The following G3BP2 variants were observed in gnomAD, a reference collection of about 807,000 sequenced individuals.
The protein encoded by G3BP2 is ras GTPase-activating protein-binding protein 2.
In G3BP2, 11 loss-of-function variants were observed where a neutral mutation model predicts 56.7. The observed-to-expected ratio is 0.19, with a 90% CI of 0.12 to 0.32. The LOEUF is 0.32. G3BP2 is among the 10% of genes least tolerant of loss of function. The pLI is 1.00. For synonymous variants in G3BP2, 165 were observed against 191.6 expected (o/e 0.86, Z 1.15); for missense variants, 340 against 610.9 (o/e 0.56, Z 4.67).
chr4:75,720,012 G>A (rs1317589732), intron 3 of G3BP2, among the ~76,000 whole-genome samples: 2 of 52,786 alleles, frequency 3.8e-5, no homozygotes, highest in East Asian at 6.8e-4. Context: ...GGATGGGGGG[G>A]CCCAGAACCC....
chr4:75,662,097 T>G, intron 1 of G3BP2, 48 bp from the exon 2 acceptor site: 1 of 1,054,200 alleles, frequency 9.5e-7, no homozygotes, highest in Non-Finnish European at 1.4e-6. Context: ...ATCTTTGTCA[T>G]CAACCACCAT....
chr4:75,655,894 T>A, intron 5 of G3BP2, 24 bp from the exon 6 acceptor site: 1 of 1,172,386 alleles, frequency 8.5e-7, no homozygotes, highest in Non-Finnish European at 1.3e-6. Context: ...ATACAGCACA[T>A]CTTTTTTAAA....
chr4:75,705,664 A>G (rs1013645593), intron 3 of G3BP2, among the ~76,000 whole-genome samples: 9 of 152,148 alleles, frequency 5.9e-5, no homozygotes, highest in African/African-American at 2.2e-4. Flanking sequence ...AGGGCTGAGT[A>G]GTGGAAAGGC....
At chr4:75,695,172 G>A (rs1395447103) in intron 3 of G3BP2, among the ~76,000 whole-genome samples, 1 of 152,196 alleles carries the variant, frequency 6.6e-6, no homozygotes, top group Non-Finnish European at 1.5e-5. Context: ...CAGACCTGGA[G>A]GGAGAGTGAA....
At chr4:75,699,254 GCAAT>G (rs1303570396) in intron 3 of G3BP2, among the ~76,000 whole-genome samples, 1 of 152,168 alleles carries the variant, frequency 6.6e-6, no homozygotes, top group Non-Finnish European at 1.5e-5. Flanking sequence ...TCCCTCTCTA[GCAAT>G]CAGTCAGTTT....
chr4:75,715,369 TCA>T (rs1252111097), intron 3 of G3BP2, among the ~76,000 whole-genome samples: 1 of 152,226 alleles, frequency 6.6e-6, no homozygotes, highest in Non-Finnish European at 1.5e-5. Context: ...GCAATTTCAT[TCA>T]GTTTCTTGGA....
chr4:75,721,266 T>G (rs554152731), intron 2 of G3BP2, among the ~76,000 whole-genome samples: 258 of 149,528 alleles, frequency 1.7e-3, no homozygotes, highest in Middle Eastern at 3.6e-3. Context: ...TTTTTTTTTT[T>G]GGGACAGGGT....
At chr4:75,687,546 C>T (rs1223343221) in intron 3 of G3BP2, among the ~76,000 whole-genome samples, 1 of 152,212 alleles carries the variant, frequency 6.6e-6, no homozygotes, top group Non-Finnish European at 1.5e-5. Flanking sequence ...ACAGCAGAAG[C>T]TGAGACAACA....
intron 3 of G3BP2, among the ~76,000 whole-genome samples, chr4:75,701,581 A>G (rs1238032487): frequency 6.6e-6 from 1 of 152,072 alleles, no homozygotes; most frequent in Non-Finnish European, 1.5e-5. Context: ...GGCATGCACC[A>G]CCATGCCCGG....
intron 1 of G3BP2, 39 bp downstream of exon 1, chr4:75,673,169 A>G: frequency 8.5e-7 from 1 of 1,172,948 alleles, no homozygotes; most frequent in Non-Finnish European, 1.1e-6. Flanking sequence ...TCCCTTTCCG[A>G]CCACCACACC....
rs944496082 is a variant in G3BP2 at position 75,644,573 on chromosome 4, C to G, written c.*857G>C. On this transcript the variant is annotated 3_prime_UTR_variant, in exon 12 of 12. Coordinates refer to ENST00000359707, the MANE Select transcript of G3BP2 (RefSeq NM_203505.3). Reference sequence around the variant, plus strand: ...ATTACATTACCAGAGAACAAAAATACAGTAAAGACAATTTTCACTGTACAC... The same window carrying G: ...ATTACATTACCAGAGAACAAAAATAGAGTAAAGACAATTTTCACTGTACAC... 1 of 152,326 alleles carries G rather than the reference C, an allele frequency of 6.6e-6. No individual in the cohort carries two copies. The highest frequency in any genetic ancestry group is 1.9e-4 in the East Asian group (1 of 5,174). The allele number at this position is 152,326 out of a possible 1,614,324, so 9.4% of individuals were successfully genotyped here. A position where few individuals can be genotyped will look rare whatever the true frequency, so the allele number is the denominator to read the frequency against.
chr4:75,673,566 GCGCTCGCACA>G, upstream of G3BP2: 1 of 1,232,022 alleles, frequency 8.1e-7, no homozygotes, highest in East Asian at 3.2e-5. Flanking sequence ...GTACGCTGCC[GCGCTCGCACA>G]CGCTCGCGCC....
chr4:75,673,395 G>T lies in G3BP2; in HGVS notation c.-212C>A. 6 of 1,232,186 alleles carry T rather than the reference G, an allele frequency of 4.9e-6. No homozygotes were observed. Among genetic ancestry groups the T allele is most frequent in the Non-Finnish European group, 5.1e-6 (5 of 988,012 alleles). 76.3% of individuals were successfully genotyped at this position (1,232,186 alleles called of 1,614,324 possible). On this transcript the variant is annotated 5_prime_UTR_variant, in exon 1 of 12. Coordinates refer to ENST00000359707, the MANE Select transcript of G3BP2 (RefSeq NM_203505.3). Reference sequence around the variant, plus strand: ...CCGGGCGCCAGGCGCTGCGACGTGCGACAAGGACCACGGACGTCCCGCCCC... The same window carrying T: ...CCGGGCGCCAGGCGCTGCGACGTGCTACAAGGACCACGGACGTCCCGCCCC...
At chr4:75,667,904 C>T (rs1361149694) in intron 1 of G3BP2, among the ~76,000 whole-genome samples, 1 of 152,014 alleles carries the variant, frequency 6.6e-6, no homozygotes, top group East Asian at 1.9e-4. Context: ...AACAAAAAAC[C>T]GAAAACATTA....
At chr4:75,688,890 G>A (rs1379240991) in intron 3 of G3BP2, among the ~76,000 whole-genome samples, 1 of 152,190 alleles carries the variant, frequency 6.6e-6, no homozygotes. Context: ...ATCAATCCAT[G>A]ACTGCTGATA....
At chr4:75,648,863 CAT>C in intron 8 of G3BP2, 122 bp from the exon 9 acceptor site, 2 of 599,830 alleles carry the variant, frequency 3.3e-6, no homozygotes, top group Non-Finnish European at 6.0e-6. Context: ...ATGTTTTTAA[CAT>C]AGTGTCCTAT....
chr4:75,720,358 C>T (rs1456135637), intron 3 of G3BP2, among the ~76,000 whole-genome samples: 3 of 151,808 alleles, frequency 2.0e-5, no homozygotes, highest in South Asian at 2.1e-4. Flanking sequence ...AAAAATTAGC[C>T]GGGCGCGGTG....
At chr4:75,698,445 G>A (rs1719211013) in intron 3 of G3BP2, among the ~76,000 whole-genome samples, 1 of 152,056 alleles carries the variant, frequency 6.6e-6, no homozygotes, top group Non-Finnish European at 1.5e-5. Flanking sequence ...GACTATGCCC[G>A]GAAAACACTC....
At chr4:75,715,251 G>A (rs1719889824) in intron 3 of G3BP2, among the ~76,000 whole-genome samples, 1 of 151,904 alleles carries the variant, frequency 6.6e-6, no homozygotes, top group South Asian at 2.1e-4. Context: ...AAGAAACCAA[G>A]CACATCTGTT....
Sources: gnomAD v4.1 joint callset for allele counts (sites outside exome capture counted in the v4.1 genomes callset) on GRCh38, gnomAD v4.1.1 for gene constraint, MANE v1.5 for transcripts, NCBI Gene and HGNC (gene_info 2026-07-23, HGNC 2026-07-21) for gene names.